The following MXD3 variants were observed in gnomAD, a reference collection of about 807,000 sequenced individuals.
MXD3 encodes Max-associated protein 3.
MXD3 carries 20 observed loss-of-function variants against 27.5 expected under a neutral mutation model. The ratio of observed to expected loss-of-function variants is 0.73; its 90% CI spans 0.51 to 1.06. The LOEUF (loss-of-function observed/expected upper bound fraction) is 1.06, where lower values mean the gene tolerates loss of function less well. MXD3 is among the 50% of genes least tolerant of loss of function. MXD3 has a pLI of 0.00. For missense variants in MXD3, 298 were observed against 291.3 expected (o/e 1.02, Z -0.17); for synonymous variants, 150 against 130.7 (o/e 1.15, Z -1.01).
In MXD3 at chr5:177,311,849, C is replaced by A. The variant is rs780861088; in HGVS notation, c.-19G>T. ...GTTCCATGTCGGCGACAGCTGGCGG[C>A]GGGCCGGCCTAGGGTGCCGGCCGGA... is the stretch of plus-strand genomic sequence containing the variant. On this transcript the variant is annotated 5_prime_UTR_variant, in exon 1 of 6. Transcript: ENST00000439742. 6.2e-7 allele frequency: 1 copy of A among 1,608,240 alleles called. No homozygotes were observed. Among genetic ancestry groups the A allele is most frequent in the Admixed American group, 1.7e-5 (1 of 59,524 alleles).
At chr5:177,309,037 AAC>A (rs1581590594) in intron 4 of MXD3, among the ~76,000 whole-genome samples, 1 of 152,236 alleles carries the variant, frequency 6.6e-6, no homozygotes, top group East Asian at 1.9e-4. Context: ...TGCCGAGGCA[AAC>A]ACAGGGAGGA....
downstream of MXD3, chr5:177,305,504 G>C (rs886951950): frequency 3.7e-6 from 1 of 267,094 alleles, no homozygotes; most frequent in Non-Finnish European, 7.3e-6. Context: ...ACCGCGCCGG[G>C]CAAATGTTTT....
chr5:177,306,662 G>A (rs748071107), downstream of MXD3: 4 of 1,500,948 alleles, frequency 2.7e-6, no homozygotes, highest in Middle Eastern at 1.7e-4. Flanking sequence ...TCAACTTCCA[G>A]CCCTGTCTGC....
chr5:177,312,465 T>C (rs1761061650), upstream of MXD3: 1 of 985,274 alleles, frequency 1.0e-6, no homozygotes, highest in African/African-American at 1.7e-5. Context: ...AGGTTTCAAA[T>C]TTGAAAACCC....
At chr5:177,308,067 C>A in intron 4 of MXD3, 103 bp from the exon 5 acceptor site, 1 of 1,132,668 alleles carries the variant, frequency 8.8e-7, no homozygotes, top group East Asian at 2.6e-5. Context: ...GGCCAATGCC[C>A]ACTCCGGGCA....
Position 177,311,414 on chromosome 5 carries a change from T to C in MXD3, c.141A>G (p.Arg47=). ...SPGPIHRRKK[R]PPQAPGAQDS... is the part of the protein sequence containing the mutation. ...CCTGCGCGCCAGGAGCCTGGGGGGGTCGCTTCTTCCTCCTGTGGATGGGGC... is the reference window on the plus strand; with the variant it reads ...CCTGCGCGCCAGGAGCCTGGGGGGGCCGCTTCTTCCTCCTGTGGATGGGGC... Residue 47 remains arginine (R), a synonymous_variant, in exon 2 of 6, where the codon CGA becomes CGG. Coordinates refer to ENST00000439742, the MANE Select transcript of MXD3 (RefSeq NM_031300.4). The C allele has an allele frequency of 1.5e-6, 2 of 1,301,960 alleles. No homozygotes were observed. The highest frequency in any genetic ancestry group is 2.0e-6 in the Non-Finnish European group (2 of 1,024,960). The allele number at this position is 1,301,960 out of a possible 1,614,324, so 80.7% of individuals were successfully genotyped here.
At chr5:177,309,010 C>T (rs1290581636) in intron 4 of MXD3, among the ~76,000 whole-genome samples, 1 of 152,120 alleles carries the variant, frequency 6.6e-6, no homozygotes, top group Non-Finnish European at 1.5e-5. Context: ...TTGGACTGGG[C>T]GTAGAAAGAT....
At position 177,307,658 on chromosome 5, in the gene MXD3, G is replaced by GC. The variant is rs1760919698; in HGVS notation, c.550dup (p.Ala184GlyfsTer?). The GC allele has an allele frequency of 6.2e-7, 1 of 1,613,420 alleles. No individual in the cohort carries two copies. Among genetic ancestry groups the GC allele is most frequent in the Non-Finnish European group, 8.5e-7 (1 of 1,179,938 alleles). On this transcript the variant is annotated frameshift_variant, in exon 6 of 6. Transcript: ENST00000439742. LOFTEE classifies it high-confidence loss of function. The stretch of plus-strand genomic sequence containing the variant: ...GGCGACGAAGCCCCGCAGCAGCTCG[G>GC]CCTCACCCCCAAACACCAGGCTCTC...
Position 177,307,413 on chromosome 5 carries a change from G to T in MXD3, c.*175C>A, listed in dbSNP as rs967208089. The T allele has an allele frequency of 1.3e-6, 2 of 1,491,466 alleles. No individual in the cohort carries two copies. The highest frequency in any genetic ancestry group is 1.4e-5 in the African/African-American group (1 of 72,052). 92.4% of individuals were successfully genotyped at this position (1,491,466 alleles called of 1,614,324 possible). A position where few individuals can be genotyped will look rare whatever the true frequency, so the allele number is the denominator to read the frequency against. ...AGTCCTGCCCCTTCCCTTCCAGAGGGCCTGCCTGGCAGCCAGCAGCAGGGT... is the reference window on the plus strand; with the variant it reads ...AGTCCTGCCCCTTCCCTTCCAGAGGTCCTGCCTGGCAGCCAGCAGCAGGGT... On this transcript the variant is annotated 3_prime_UTR_variant, in exon 6 of 6. Coordinates refer to ENST00000439742, the MANE Select transcript of MXD3 (RefSeq NM_031300.4).
At chr5:177,311,912 C>A, upstream of MXD3, 1 of 1,509,036 alleles carries the variant, frequency 6.6e-7, no homozygotes, top group Non-Finnish European at 8.9e-7. Context: ...AAGTAACTGA[C>A]ACGGTGCAAC....
chr5:177,312,501 G>T (rs751121682), upstream of MXD3: 113 of 985,354 alleles, frequency 1.1e-4, no homozygotes, highest in African/African-American at 1.6e-4. Flanking sequence ...GTTGAGAGGG[G>T]AGCTGGGCCT....
chr5:177,307,815 T>C lies in MXD3; in HGVS notation c.471A>G (p.Ser157=). 1 of 1,612,830 alleles carries C rather than the reference T, an allele frequency of 6.2e-7. No homozygotes were observed. The highest frequency in any genetic ancestry group is 8.5e-7 in the Non-Finnish European group (1 of 1,179,700). The stretch of plus-strand genomic sequence containing the variant: ...AGTCTGAGCGCTCAGAGGAGAGGCC[T>C]GAGGAGTCCAGACTGTCCGCCCGCA... The part of the protein sequence containing the change: ...ERLRADSLDS[S]GLSSERSDSD... The change falls in exon 5 of 6, where the codon TCA becomes TCG. Residue 157 remains serine (S), a synonymous_variant. Coordinates refer to ENST00000439742, the MANE Select transcript of MXD3 (RefSeq NM_031300.4).
downstream of MXD3, chr5:177,305,577 C>T (rs544796012): frequency 2.5e-5 from 10 of 402,334 alleles, no homozygotes; most frequent in Middle Eastern, 7.5e-4. Flanking sequence ...ACACTGCATG[C>T]GTCTAGATGC....
At position 177,307,491 on chromosome 5, in the gene MXD3, G is replaced by C. The variant is rs1760913251; in HGVS notation, c.*97C>G. The C allele has an allele frequency of 6.5e-7, 1 of 1,547,434 alleles. No homozygotes were observed. Among genetic ancestry groups the C allele is most frequent in the Admixed American group, 1.9e-5 (1 of 51,404 alleles). ...GGGTCCTTTTAGTCCATTCCAACAG[G>C]TGACTCCGAGCAGCCCTGAAGGCTT... On this transcript the variant is annotated 3_prime_UTR_variant, in exon 6 of 6. Coordinates refer to ENST00000439742, the MANE Select transcript of MXD3 (RefSeq NM_031300.4).
downstream of MXD3, chr5:177,305,816 G>A: frequency 6.8e-7 from 1 of 1,460,874 alleles, no homozygotes; most frequent in Non-Finnish European, 9.6e-7. Flanking sequence ...TCAGATTTAT[G>A]TGCAAGTTGG....
intron 4 of MXD3, among the ~76,000 whole-genome samples, chr5:177,308,809 G>A (rs867897247): frequency 3.9e-5 from 6 of 152,298 alleles, no homozygotes; most frequent in African/African-American, 9.6e-5. Flanking sequence ...TCCTGGTCAC[G>A]ATCCCTACAA....
chr5:177,311,509 G>A, intron 1 of MXD3, 25 bp from the exon 2 acceptor site: 1 of 1,410,362 alleles, frequency 7.1e-7, no homozygotes, highest in Non-Finnish European at 9.3e-7. Flanking sequence ...CCCCGCCCGC[G>A]TCAGGCTGGG....
chr5:177,306,902 T>C (rs557206388), downstream of MXD3: 31 of 762,372 alleles, frequency 4.1e-5, no homozygotes, highest in Non-Finnish European at 6.2e-5. Flanking sequence ...CTGATGTGTC[T>C]CAGTATCTAG....
chr5:177,307,698 GCTCCT>G lies in MXD3; in HGVS notation c.506_510del (p.Glu169AlafsTer13), dbSNP rs746690352. On this transcript the variant is annotated frameshift_variant and splice_region_variant, in exon 6 of 6. Coordinates refer to ENST00000439742, the MANE Select transcript of MXD3 (RefSeq NM_031300.4). LOFTEE classifies it high-confidence loss of function. ...ACCAGGCTCTCCACATCCACCTCCA[GCTCCT>G]CTGCGCGGGGAGGGGTCCGGTCAGA... 6.2e-7 allele frequency: 1 copy of G among 1,613,768 alleles called. No homozygotes were observed. Among genetic ancestry groups the G allele is most frequent in the Admixed American group, 1.7e-5 (1 of 60,022 alleles).
Sources: gnomAD v4.1 joint callset for allele counts (sites outside exome capture counted in the v4.1 genomes callset) on GRCh38, gnomAD v4.1.1 for gene constraint, MANE v1.5 for transcripts, NCBI Gene and HGNC (gene_info 2026-07-23, HGNC 2026-07-21) for gene names.